Variants in UBE2E1 observed in about 807,000 individuals in gnomAD.
UBE2E1 encodes the protein ubiquitin conjugating enzyme E2 E1, also known as ubiquitin-conjugating enzyme E2 E1.
In UBE2E1, 6 loss-of-function variants were observed where a neutral mutation model predicts 21.4. The observed-to-expected ratio is 0.28, with a 90% CI of 0.15 to 0.55. UBE2E1 has a LOEUF of 0.55. Among genes scored for constraint, UBE2E1 ranks in the 20% least tolerant of loss-of-function variants. UBE2E1 has a pLI of 0.93. For synonymous variants in UBE2E1, 87 were observed against 82.7 expected, an observed-to-expected ratio of 1.05 and a Z score of -0.28; for missense variants, 142 against 236.5, an observed-to-expected ratio of 0.60 and a Z score of 2.62.
At chr3:23,867,780 T>C (rs941082033) in intron 3 of UBE2E1, among the ~76,000 whole-genome samples, 1 of 152,074 alleles carries the variant, frequency 6.6e-6, no homozygotes, top group Non-Finnish European at 1.5e-5. Flanking sequence ...CTGAATTGAA[T>C]AGAGAGGAGG....
intron 3 of UBE2E1, among the ~76,000 whole-genome samples, chr3:23,864,388 C>T (rs760916660): frequency 2.0e-5 from 3 of 152,060 alleles, no homozygotes; most frequent in African/African-American, 7.2e-5. Context: ...CTCTGTTTAC[C>T]CTTTCTGGAT....
chr3:23,889,819 G>A, intron 5 of UBE2E1: 1 of 952,162 alleles, frequency 1.1e-6, no homozygotes, highest in African/African-American at 1.8e-5. Context: ...GAACCCAGAA[G>A]GTCAAAGCTG....
At chr3:23,843,084 T>C (rs1700128935) in intron 3 of UBE2E1, among the ~76,000 whole-genome samples, 1 of 152,034 alleles carries the variant, frequency 6.6e-6, no homozygotes, top group Admixed American at 6.6e-5. Flanking sequence ...AGCTTTTTTT[T>C]TTTTTAGCAG....
chr3:23,814,762 CCTGTAGACACGAATAT>C (rs776727460), intron 3 of UBE2E1, among the ~76,000 whole-genome samples: 5 of 152,130 alleles, frequency 3.3e-5, no homozygotes, highest in Non-Finnish European at 7.3e-5. Flanking sequence ...TTATAACTAG[CCTGTAGACACGAATAT>C]CTGTAGACAG....
At chr3:23,881,498 C>T (rs1157760453) in intron 3 of UBE2E1, among the ~76,000 whole-genome samples, 5 of 152,194 alleles carry the variant, frequency 3.3e-5, no homozygotes, top group Non-Finnish European at 7.4e-5. Flanking sequence ...TCTTCAAACA[C>T]GGATAAGTGG....
rs950928258 is a variant in UBE2E1 at position 23,809,534 on chromosome 3, A to G, written c.153-1926A>G. Among the ~76,000 whole-genome samples the G allele has an allele frequency of 2.0e-5, 3 of 152,352 alleles. No individual in the cohort carries two copies. In the East Asian group the frequency reaches 5.8e-4, roughly 29 times the overall value. ...GTCTGAACAAGAATGACTCTCTGGA[A>G]ATAGGTATGAGTTACTCCTGCAAAT... is the stretch of plus-strand genomic sequence containing the variant. On this transcript the variant is annotated intron_variant, in intron 2 of 5. Transcript: ENST00000306627.
chr3:23,890,580 C>T lies in UBE2E1; in HGVS notation c.556C>T (p.Gln186Ter). 1 of 1,613,610 alleles carries T rather than the reference C, an allele frequency of 6.2e-7. No homozygotes were observed. The highest frequency in any genetic ancestry group is 8.5e-7 in the Non-Finnish European group (1 of 1,179,818). Reference protein sequence around the residue: ...NRAEHDRMARQWTKRYAT With the variant: ...NRAEHDRMAR ...AGCAGAACATGACAGAATGGCCAGA[C>T]AGTGGACCAAGAGATACGCTACATA... Residue 186 changes from glutamine to a stop codon, truncating the protein, a stop_gained, in exon 6 of 6, where the codon CAG becomes TAG. Transcript: ENST00000306627. LOFTEE classifies it high-confidence loss of function.
chr3:23,852,185 T>C (rs1463792635), intron 3 of UBE2E1, among the ~76,000 whole-genome samples: 1 of 152,222 alleles, frequency 6.6e-6, no homozygotes, highest in Non-Finnish European at 1.5e-5. Flanking sequence ...CTTTTTTCTT[T>C]ATAAATTACC....
intron 3 of UBE2E1, among the ~76,000 whole-genome samples, chr3:23,882,987 T>G: frequency 6.6e-6 from 1 of 152,242 alleles, no homozygotes; most frequent in East Asian, 1.9e-4. Flanking sequence ...GCTCCCACAG[T>G]GCAGCAGGGG....
chr3:23,810,135 C>G lies in UBE2E1; in HGVS notation c.153-1325C>G, dbSNP rs1049162403. Among the ~76,000 whole-genome samples the G allele has an allele frequency of 6.6e-6, 1 of 152,152 alleles. No homozygotes were observed. Among genetic ancestry groups the G allele is most frequent in the Admixed American group, 6.5e-5 (1 of 15,274 alleles). ...CGTATCCTTTGTGAATTAGATTGCT[C>G]TGTGTGTGTGTTTAAAATTTTTTTA... On this transcript the variant is annotated intron_variant, in intron 2 of 5. Coordinates refer to ENST00000306627, the MANE Select transcript of UBE2E1 (RefSeq NM_003341.5). This position sits in a 1 kb window ranked among gnomAD's most constrained non-coding sequence, Gnocchi z 5.8.
chr3:23,862,444 T>G (rs962840705), intron 3 of UBE2E1, among the ~76,000 whole-genome samples: 2 of 152,224 alleles, frequency 1.3e-5, no homozygotes, highest in African/African-American at 2.4e-5. Flanking sequence ...CATTTCTGTG[T>G]TCTGTCTGTT....
In UBE2E1 at chr3:23,887,548, G is replaced by T. The variant is rs1701216608; in HGVS notation, c.204-19G>T. The T allele has an allele frequency of 1.9e-6, 3 of 1,595,256 alleles. No individual in the cohort carries two copies. Among genetic ancestry groups the T allele is most frequent in the Non-Finnish European group, 2.6e-6 (3 of 1,174,982 alleles). On this transcript the variant is annotated intron_variant, in intron 3 of 5. Coordinates refer to ENST00000306627, the MANE Select transcript of UBE2E1 (RefSeq NM_003341.5). The surrounding 1 kb of genome is among the most constrained non-coding windows in gnomAD (Gnocchi z 4.4). Reference sequence around the variant, plus strand: ...GGATAGTGCCACCATCTGCTTATTTGTTGACGTATTATTCACAGTGCTGGT... The same window carrying T: ...GGATAGTGCCACCATCTGCTTATTTTTTGACGTATTATTCACAGTGCTGGT...
rs577963214 is a variant in UBE2E1 at position 23,867,384 on chromosome 3, T to C, written c.204-20183T>C. Among the ~76,000 whole-genome samples the C allele has an allele frequency of 3.3e-5, 5 of 152,354 alleles. No individual in the cohort carries two copies. The South Asian group carries it at 6.2e-4, about 19-fold the overall frequency. On this transcript the variant is annotated intron_variant, in intron 3 of 5. Transcript: ENST00000306627. The stretch of plus-strand genomic sequence containing the variant: ...CCTGTATGTAATAAATTCTGGAGAA[T>C]TGAGTTCAAACTTTGGTTTTGCTTA...
chr3:23,839,732 T>C (rs1048685602), intron 3 of UBE2E1, among the ~76,000 whole-genome samples: 31 of 152,120 alleles, frequency 2.0e-4, no homozygotes, highest in African/African-American at 7.0e-4. Flanking sequence ...CTGACAGTTT[T>C]GTTTTTTACT....
intron 3 of UBE2E1, among the ~76,000 whole-genome samples, chr3:23,821,309 G>T (rs932857470): frequency 6.6e-6 from 1 of 152,242 alleles, no homozygotes; most frequent in African/African-American, 2.4e-5. Flanking sequence ...AGACCTAAAA[G>T]ATAGGAAAGG....
intron 3 of UBE2E1, among the ~76,000 whole-genome samples, chr3:23,849,316 T>C (rs992045230): frequency 6.6e-6 from 1 of 152,216 alleles, no homozygotes; most frequent in Non-Finnish European, 1.5e-5. Flanking sequence ...TCTTTGATTT[T>C]CTTTCTTTTT....
At chr3:23,861,043 A>G (rs759240347) in intron 3 of UBE2E1, among the ~76,000 whole-genome samples, 3 of 152,250 alleles carry the variant, frequency 2.0e-5, no homozygotes, top group Non-Finnish European at 4.4e-5. Context: ...CTATTTAACA[A>G]TACCGCAGGG....
chr3:23,829,816 A>G (rs1282204307), intron 3 of UBE2E1, among the ~76,000 whole-genome samples: 3 of 152,252 alleles, frequency 2.0e-5, no homozygotes, highest in Non-Finnish European at 4.4e-5. Flanking sequence ...AGAGAAGCAG[A>G]TAAAAGGAGA....
chr3:23,868,983 A>G (rs999914650), intron 3 of UBE2E1, among the ~76,000 whole-genome samples: 1 of 152,178 alleles, frequency 6.6e-6, no homozygotes, highest in Non-Finnish European at 1.5e-5. Context: ...CCTGTCAGTA[A>G]GTTAGCTCAT....
Sources: gnomAD v4.1 joint callset for allele counts (sites outside exome capture counted in the v4.1 genomes callset) on GRCh38, gnomAD v4.1.1 for gene constraint, Gnocchi (gnomAD v3.1) non-coding constraint, MANE v1.5 for transcripts, NCBI Gene and HGNC (gene_info 2026-07-23, HGNC 2026-07-21) for gene names.